The following AUTS2 variants were observed in gnomAD, a reference collection of about 807,000 sequenced individuals.
AUTS2 encodes the protein autism susceptibility gene 2 protein.
Under a neutral mutation model 112.4 loss-of-function variants are expected in AUTS2, and 17 were observed. That is an observed-to-expected ratio of 0.15 (90% CI 0.10 to 0.23). The LOEUF (loss-of-function observed/expected upper bound fraction) is 0.23, where lower values mean the gene tolerates loss of function less well. Among genes scored for constraint, AUTS2 ranks in the 10% least tolerant of loss-of-function variants. The pLI, the probability that AUTS2 is intolerant of heterozygous loss-of-function variation, is 1.00. For synonymous variants in AUTS2, 751 were observed against 702.7 expected, an observed-to-expected ratio of 1.07 and a Z score of -1.09; for missense variants, 1,510 against 1,701.6, an observed-to-expected ratio of 0.89 and a Z score of 1.98.
intron 4 of AUTS2, among the ~76,000 whole-genome samples, chr7:70,172,171 C>T (rs1016523294): frequency 2.6e-5 from 4 of 152,156 alleles, no homozygotes; most frequent in African/African-American, 9.7e-5. Flanking sequence ...CCTATATGGC[C>T]ATGGAGTGGT....
chr7:69,634,805 G>T (rs948177886), intron 1 of AUTS2, among the ~76,000 whole-genome samples: 8 of 152,128 alleles, frequency 5.3e-5, no homozygotes, highest in Non-Finnish European at 7.4e-5. Flanking sequence ...CTGTGTTAGG[G>T]TCCTGAATTC....
chr7:70,649,572 G>A (rs938839032), intron 5 of AUTS2, among the ~76,000 whole-genome samples: 5 of 150,466 alleles, frequency 3.3e-5, no homozygotes, highest in East Asian at 2.0e-4. Context: ...ACTGTCACCC[G>A]GGCTGGAGTG....
At chr7:70,234,338 G>C (rs1450455614) in intron 4 of AUTS2, among the ~76,000 whole-genome samples, 3 of 152,040 alleles carry the variant, frequency 2.0e-5, no homozygotes, top group African/African-American at 7.2e-5. Flanking sequence ...TGTCATTCAC[G>C]TTTCTCTTCA....
intron 1 of AUTS2, among the ~76,000 whole-genome samples, chr7:69,655,713 T>C (rs2129138141): frequency 6.6e-6 from 1 of 152,224 alleles, no homozygotes; most frequent in Admixed American, 6.5e-5. Flanking sequence ...GCTTGAGATG[T>C]GATATTGAGA....
intron 6 of AUTS2, among the ~76,000 whole-genome samples, chr7:70,727,370 A>G (rs1291647605): frequency 1.3e-5 from 2 of 152,120 alleles, no homozygotes; most frequent in African/African-American, 2.4e-5. Flanking sequence ...TTGTTTTGAG[A>G]TGGAGTTTCG....
rs1554396558 is a variant in AUTS2 at position 70,418,107 on chromosome 7, G to GTGTGTC, written c.661-17639_661-17634dup. Among the ~76,000 whole-genome samples the GTGTGTC allele has an allele frequency of 8.2e-3, 1,233 of 150,938 alleles. 10 individuals carry two copies. Among genetic ancestry groups the GTGTGTC allele is most frequent in the Admixed American group, 0.022 (335 of 15,174 alleles). On this transcript the variant is annotated intron_variant, in intron 4 of 18. Transcript: ENST00000342771. ...TGTGTGTGTGTGTGTGTGTGTGTGT[G>GTGTGTC]TGTGTCTGTGTGTGTAGACGGGGTC...
At chr7:70,277,149 G>GC (rs750051786) in intron 4 of AUTS2, among the ~76,000 whole-genome samples, 276 of 152,314 alleles carry the variant, frequency 1.8e-3, no homozygotes, top group Middle Eastern at 3.4e-3. Context: ...TGGACTCCTA[G>GC]GATGGATCTG....
At chr7:70,221,843 T>C (rs7781035) in intron 4 of AUTS2, among the ~76,000 whole-genome samples, 47,002 of 152,124 alleles carry the variant, frequency 0.31, 7,494 homozygotes, top group Middle Eastern at 0.38. Context: ...GCCGAAATCA[T>C]GCCATTGCAC....
At chr7:69,758,963 A>T (rs1361343471) in intron 1 of AUTS2, among the ~76,000 whole-genome samples, 1 of 152,192 alleles carries the variant, frequency 6.6e-6, no homozygotes, top group Non-Finnish European at 1.5e-5. Context: ...CATTAGACAA[A>T]AAATAAATAA....
At chr7:70,016,694 G>A (rs1475699784) in intron 2 of AUTS2, among the ~76,000 whole-genome samples, 3 of 149,224 alleles carry the variant, frequency 2.0e-5, no homozygotes, top group South Asian at 2.1e-4. Flanking sequence ...TTGAAACGGA[G>A]TCTTACTCTG....
chr7:69,837,052 A>G (rs1455394585), intron 1 of AUTS2, among the ~76,000 whole-genome samples: 1 of 152,174 alleles, frequency 6.6e-6, no homozygotes, highest in Non-Finnish European at 1.5e-5. Flanking sequence ...GGGATAGTTA[A>G]GGAAGGCTTC....
intron 13 of AUTS2, 190 bp from the exon 14 acceptor site, chr7:70,776,913 G>C (rs1278518803): frequency 4.7e-6 from 3 of 632,200 alleles, no homozygotes; most frequent in Middle Eastern, 4.1e-4. Context: ...GAGAGAGGGG[G>C]AGCTGGCTGT....
intron 1 of AUTS2, among the ~76,000 whole-genome samples, chr7:69,862,869 G>T (rs1223349968): frequency 1.3e-5 from 2 of 152,154 alleles, no homozygotes; most frequent in African/African-American, 4.8e-5. Context: ...AAAGCTGGAG[G>T]CTGATATTAA....
At chr7:70,048,803 GATAA>G (rs1414345478) in intron 2 of AUTS2, among the ~76,000 whole-genome samples, 1 of 152,158 alleles carries the variant, frequency 6.6e-6, no homozygotes, top group African/African-American at 2.4e-5. Context: ...AAAGTTGATT[GATAA>G]ATAAAAGAAG....
intron 1 of AUTS2, among the ~76,000 whole-genome samples, chr7:69,897,342 T>C (rs1794790822): frequency 6.6e-6 from 1 of 152,172 alleles, no homozygotes; most frequent in Non-Finnish European, 1.5e-5. Context: ...AAACATTTAT[T>C]TCTCACAGTT....
At chr7:69,876,844 C>G (rs1320950895) in intron 1 of AUTS2, among the ~76,000 whole-genome samples, 1 of 151,890 alleles carries the variant, frequency 6.6e-6, no homozygotes, top group Non-Finnish European at 1.5e-5. Context: ...CAGGTATTAT[C>G]ACATCTTCCC....
intron 1 of AUTS2, among the ~76,000 whole-genome samples, chr7:69,864,893 G>C (rs1206237100): frequency 3.3e-5 from 5 of 152,062 alleles, no homozygotes; most frequent in Non-Finnish European, 7.4e-5. Flanking sequence ...TAGTGAGAAA[G>C]GGAAAAAATG....
intron 2 of AUTS2, among the ~76,000 whole-genome samples, chr7:70,042,604 G>T (rs1378859935): frequency 6.6e-6 from 1 of 152,164 alleles, no homozygotes; most frequent in African/African-American, 2.4e-5. Context: ...TCGTCCTATA[G>T]CTAATATTTT....
chr7:69,802,515 A>G (rs571439103), intron 1 of AUTS2, among the ~76,000 whole-genome samples: 60 of 152,242 alleles, frequency 3.9e-4, no homozygotes, highest in Non-Finnish European at 1.3e-4. Flanking sequence ...CTGTAACACT[A>G]ACTGTGAACT....
Sources: gnomAD v4.1 joint callset for allele counts (sites outside exome capture counted in the v4.1 genomes callset) on GRCh38, gnomAD v4.1.1 for gene constraint, MANE v1.5 for transcripts, NCBI Gene and HGNC (gene_info 2026-07-23, HGNC 2026-07-21) for gene names.